IFRD1: variants seen among roughly 807,000 people sequenced by gnomAD.
IFRD1 encodes interferon-related developmental regulator 1.
A neutral mutation model predicts 52.9 loss-of-function variants in IFRD1; 35 were observed. That is an observed-to-expected ratio of 0.66 (90% CI 0.51 to 0.88). The LOEUF (loss-of-function observed/expected upper bound fraction) is 0.88. Among genes scored for constraint, IFRD1 ranks in the 40% least tolerant of loss-of-function variants. IFRD1 has a pLI of 0.00. For missense variants in IFRD1, 517 were observed against 550.8 expected (o/e 0.94, Z 0.61); for synonymous variants, 184 against 188.4 (o/e 0.98, Z 0.19).
In IFRD1 at chr7:112,476,578, CAGG is replaced by C. The variant is rs1029637442; in HGVS notation, c.*1063_*1065del. On this transcript the variant is annotated 3_prime_UTR_variant, in exon 12 of 12. Transcript: ENST00000403825. ...CTGAGGCAAGAGGGTAACTTGAGCCCAGGAGGTCAAAGCTGCAGTGAGCCGTGA... is the reference window on the plus strand; with the variant it reads ...CTGAGGCAAGAGGGTAACTTGAGCCCAGGTCAAAGCTGCAGTGAGCCGTGA... The C allele has an allele frequency of 6.6e-6, 1 of 152,070 alleles. No individual in the cohort carries two copies. The highest frequency in any genetic ancestry group is 6.6e-5 in the Admixed American group (1 of 15,248). 9.4% of individuals were successfully genotyped at this position (152,070 alleles called of 1,614,324 possible).
In IFRD1 at chr7:112,459,128, C is replaced by CT. The variant is rs559883546; in HGVS notation, c.567+112dup. On this transcript the variant is annotated intron_variant, in intron 5 of 11. Transcript: ENST00000403825. Reference sequence around the variant, plus strand: ...AAGAGGCTGAGGCAAGAGAGAGGATCTTGTAAGTCCAGGAGTTTGAGGCAG... The same window carrying CT: ...AAGAGGCTGAGGCAAGAGAGAGGATCTTTGTAAGTCCAGGAGTTTGAGGCAG... 5.9e-3 allele frequency: 5,552 copies of CT among 936,134 alleles called. 26 individuals are homozygous for CT. Among genetic ancestry groups the CT allele is most frequent in the Non-Finnish European group, 7.5e-3 (4,428 of 586,940 alleles). 58.0% of individuals were successfully genotyped at this position (936,134 alleles called of 1,614,324 possible). A position where few individuals can be genotyped will look rare whatever the true frequency, so the allele number is the denominator to read the frequency against.
intron 1 of IFRD1, among the ~76,000 whole-genome samples, chr7:112,434,240 G>A (rs1171898087): frequency 6.6e-6 from 1 of 152,162 alleles, no homozygotes; most frequent in Non-Finnish European, 1.5e-5. Context: ...TGGGGCTGCT[G>A]TGTATAGTTC....
chr7:112,436,321 C>G (rs1240129562), intron 1 of IFRD1, among the ~76,000 whole-genome samples: 1 of 152,128 alleles, frequency 6.6e-6, no homozygotes, highest in African/African-American at 2.4e-5. Flanking sequence ...AAGCTGACTG[C>G]AACAAATGCA....
At chr7:112,471,054 A>T (rs1245164810) in intron 9 of IFRD1, among the ~76,000 whole-genome samples, 1 of 152,208 alleles carries the variant, frequency 6.6e-6, no homozygotes, top group African/African-American at 2.4e-5. Context: ...TGATGACTTT[A>T]TAGAGGGTTG....
intron 1 of IFRD1, 83 bp downstream of exon 1, chr7:112,450,865 G>C: frequency 1.0e-6 from 1 of 952,590 alleles, no homozygotes; most frequent in East Asian, 2.4e-5. Flanking sequence ...GGGAGTTGTA[G>C]TTCTTTCTCT....
Position 112,459,025 on chromosome 7 carries a change from A to G in IFRD1, c.567+7A>G. 15 of 1,610,138 alleles carry G rather than the reference A, an allele frequency of 9.3e-6. No individual in the cohort carries two copies. Among genetic ancestry groups the G allele is most frequent in the Middle Eastern group, 1.7e-4 (1 of 6,046 alleles). On this transcript the variant is annotated splice_region_variant and intron_variant, in intron 5 of 11. Transcript: ENST00000403825. ...TATGCAGGCTAGGCAAACTGTAAGT[A>G]TAAGATATTTACATTTATAGATCTG...
At chr7:112,450,896 C>T (rs1321651184) in intron 1 of IFRD1, 114 bp downstream of exon 1, 2 of 776,312 alleles carry the variant, frequency 2.6e-6, no homozygotes, top group Non-Finnish European at 4.5e-6. Context: ...TTTGCATTTC[C>T]AGGGTGCGTG....
chr7:112,475,052 G>A (rs551289479), intron 11 of IFRD1, among the ~76,000 whole-genome samples: 2 of 152,014 alleles, frequency 1.3e-5, no homozygotes, highest in African/African-American at 2.4e-5. Context: ...TCTGCCTCTC[G>A]GGTTCAAACG....
At chr7:112,440,236 T>C (rs987585024) in intron 1 of IFRD1, among the ~76,000 whole-genome samples, 4 of 152,164 alleles carry the variant, frequency 2.6e-5, no homozygotes, top group Non-Finnish European at 5.9e-5. Flanking sequence ...CTGTCTGCCT[T>C]GGCCTCCCAA....
chr7:112,457,269 T>C (rs867485668), intron 4 of IFRD1: 11 of 592,216 alleles, frequency 1.9e-5, no homozygotes, highest in Middle Eastern at 4.4e-4. Flanking sequence ...TAGGGTAGAT[T>C]GTCATCAACC....
At position 112,456,912 on chromosome 7, in the gene IFRD1, A is replaced by G; in HGVS notation, c.285-2A>G. ...CTTTCTCTTACATTGGGTGTTAAAT[A>G]GTGCGAAGACAAGGCAAGCAGCTCT... On this transcript the variant is annotated splice_acceptor_variant, in intron 3 of 11. Coordinates refer to ENST00000403825, the MANE Select transcript of IFRD1 (RefSeq NM_001550.4). LOFTEE classifies it high-confidence loss of function. The G allele has an allele frequency of 6.2e-7, 1 of 1,613,624 alleles. No individual in the cohort carries two copies. The highest frequency in any genetic ancestry group is 8.5e-7 in the Non-Finnish European group (1 of 1,179,554).
chr7:112,447,004 G>A (rs73428463), upstream of IFRD1, among the ~76,000 whole-genome samples: 4,086 of 152,278 alleles, frequency 0.027, 181 homozygotes, highest in African/African-American at 0.094. Flanking sequence ...GAGGATCTGG[G>A]AGGTATTATT....
intron 8 of IFRD1, among the ~76,000 whole-genome samples, chr7:112,463,448 T>C (rs1176411268): frequency 2.6e-5 from 4 of 152,136 alleles, no homozygotes; most frequent in Non-Finnish European, 5.9e-5. Context: ...GTTTACAGTC[T>C]TAAAATTTTT....
At chr7:112,457,870 C>G (rs1795335002) in intron 4 of IFRD1, 1 of 152,096 alleles carries the variant, frequency 6.6e-6, no homozygotes, top group Non-Finnish European at 1.5e-5. Context: ...ATTGAATGAA[C>G]TAATAAGCTT....
chr7:112,463,882 ACACACACACACAC>A (rs369546039), intron 8 of IFRD1, among the ~76,000 whole-genome samples: 2,306 of 50,258 alleles, frequency 0.046, 70 homozygotes, highest in African/African-American at 0.2. Flanking sequence ...ACACACACAC[ACACACACACACAC>A]CCCACGTATC....
intron 1 of IFRD1, among the ~76,000 whole-genome samples, chr7:112,454,618 C>G (rs1269898980): frequency 1.3e-5 from 2 of 152,148 alleles, no homozygotes; most frequent in Non-Finnish European, 2.9e-5. Flanking sequence ...TCTTCTCTCA[C>G]TTCAAGTTGT....
intron 10 of IFRD1, 73 bp from the exon 11 acceptor site, chr7:112,472,693 G>C (rs1795781867): frequency 2.1e-6 from 2 of 943,678 alleles, no homozygotes; most frequent in Non-Finnish European, 3.5e-6. Flanking sequence ...CTGTTAATCA[G>C]AGTCACTCTG....
upstream of IFRD1, among the ~76,000 whole-genome samples, chr7:112,448,270 G>A (rs1795073798): frequency 6.6e-6 from 1 of 152,188 alleles, no homozygotes; most frequent in Admixed American, 6.5e-5. Flanking sequence ...CGTATATGAT[G>A]TGGTGGGCCA....
rs200913560 is a variant in IFRD1, at chr7:112,467,997, A to T, written c.923A>T (p.Asp308Val). 18 of 1,614,068 alleles carry T rather than the reference A, an allele frequency of 1.1e-5. No individual in the cohort carries two copies. Among genetic ancestry groups the T allele is most frequent in the Middle Eastern group, 1.7e-4 (1 of 6,060 alleles). The change falls in exon 9 of 12, where the codon GAC (aspartate) becomes GTC (valine). Residue 308 changes from aspartate (D) to valine (V), a missense_variant. Transcript: ENST00000403825. Reference sequence around the variant, plus strand: ...CTTGTCCAGGACTTTTTTTATGAAGACATGGAGTCCTTGACGCAGATGCTT... The same window carrying T: ...CTTGTCCAGGACTTTTTTTATGAAGTCATGGAGTCCTTGACGCAGATGCTT... ...RGIESDFFYE[D>V]MESLTQMLRA...
Sources: allele counts gnomAD v4.1 joint callset (sites outside exome capture counted in the v4.1 genomes callset), GRCh38; gene constraint gnomAD v4.1.1; transcripts MANE v1.5; gene names NCBI Gene and HGNC (gene_info 2026-07-23, HGNC 2026-07-21).